Variants in DCC observed in about 807,000 individuals in gnomAD.
DCC encodes the protein DCC netrin 1 receptor.
A neutral mutation model predicts 172.5 loss-of-function variants in DCC; 58 were observed. That is an observed-to-expected ratio of 0.34 (90% CI 0.27 to 0.42). DCC has a LOEUF of 0.42. DCC is among the 10% of genes least tolerant of loss of function. The pLI, the probability that DCC is intolerant of heterozygous loss-of-function variation, is 1.00. For synonymous variants in DCC, 709 were observed against 644.5 expected, an observed-to-expected ratio of 1.10 and a Z score of -1.52; for missense variants, 1,740 against 1,791.0, an observed-to-expected ratio of 0.97 and a Z score of 0.51.
intron 1 of DCC, among the ~76,000 whole-genome samples, chr18:52,717,071 T>C (rs1205837596): frequency 1.3e-5 from 2 of 152,060 alleles, no homozygotes; most frequent in Non-Finnish European, 2.9e-5. Context: ...CATGAATGAA[T>C]CCTCTCCCTG....
At chr18:52,472,769 G>T (rs999133562) in intron 1 of DCC, among the ~76,000 whole-genome samples, 1 of 152,098 alleles carries the variant, frequency 6.6e-6, no homozygotes, top group African/African-American at 2.4e-5. Context: ...GCCGGGTAAG[G>T]TGGCATGAGC....
chr18:52,798,063 GAAGGTTGCTTGCACA>G (rs375706085), intron 2 of DCC, among the ~76,000 whole-genome samples: 2 of 151,272 alleles, frequency 1.3e-5, no homozygotes, highest in Non-Finnish European at 1.5e-5. Flanking sequence ...TTGCTTGCAC[GAAGGTTGCTTGCACA>G]AAGGCTACAC....
chr18:52,391,310 T>C (rs11877840), intron 1 of DCC, among the ~76,000 whole-genome samples: 14,939 of 152,120 alleles, frequency 0.098, 915 homozygotes, highest in South Asian at 0.16. Flanking sequence ...CCATTATGGA[T>C]CTTAATATCT....
intron 5 of DCC, among the ~76,000 whole-genome samples, chr18:52,998,629 G>T (rs564943440): frequency 6.6e-6 from 1 of 151,990 alleles, no homozygotes; most frequent in Non-Finnish European, 1.5e-5. Context: ...AGTCATTCTC[G>T]TGACCAATGT....
chr18:52,961,367 G>C (rs2040840109), intron 5 of DCC, among the ~76,000 whole-genome samples: 1 of 152,212 alleles, frequency 6.6e-6, no homozygotes, highest in South Asian at 2.1e-4. Flanking sequence ...TCTGAGATCT[G>C]GCAAAACTTT....
chr18:52,820,601 G>A (rs2038388121), intron 2 of DCC, among the ~76,000 whole-genome samples: 1 of 151,972 alleles, frequency 6.6e-6, no homozygotes, highest in Non-Finnish European at 1.5e-5. Flanking sequence ...GGATGAAAAG[G>A]GCAGCAGTAT....
intron 2 of DCC, among the ~76,000 whole-genome samples, chr18:52,820,448 TATAAA>T (rs139433906): frequency 0.11 from 17,064 of 152,156 alleles, 1,037 homozygotes; most frequent in South Asian, 0.2. Flanking sequence ...AAATGTGAAA[TATAAA>T]ATGTTTTTAA....
Position 52,555,011 on chromosome 18 carries a change from C to T in DCC, c.92-197043C>T, listed in dbSNP as rs191250171. On this transcript the variant is annotated intron_variant, in intron 1 of 28. Coordinates refer to ENST00000442544, the MANE Select transcript of DCC (RefSeq NM_005215.4). ...ACTCTAAGCTAACTTCTTTTGAGTT[C>T]AAAAGACTGAAGGTGGAAGGTGGGG... 4.0e-5 allele frequency among the ~76,000 whole-genome samples: 6 copies of T among 151,752 alleles called. No homozygotes were observed. In the East Asian group the frequency reaches 1.2e-3, roughly 29 times the overall value.
At chr18:52,520,212 C>G (rs2031768953) in intron 1 of DCC, among the ~76,000 whole-genome samples, 1 of 152,196 alleles carries the variant, frequency 6.6e-6, no homozygotes, top group South Asian at 2.1e-4. Flanking sequence ...TCGTCCTCCT[C>G]CAAGCACCTA....
chr18:53,334,498 C>T (rs1192624120), intron 14 of DCC, among the ~76,000 whole-genome samples: 1 of 152,164 alleles, frequency 6.6e-6, no homozygotes, highest in Non-Finnish European at 1.5e-5. Context: ...TTCATGTTGT[C>T]ATGCAGCCAT....
intron 5 of DCC, among the ~76,000 whole-genome samples, chr18:52,935,826 T>G (rs999580924): frequency 6.6e-6 from 1 of 152,156 alleles, no homozygotes; most frequent in Non-Finnish European, 1.5e-5. Flanking sequence ...TTTATTGCAA[T>G]GTGTAATTCT....
chr18:52,576,984 C>A (rs940812053), intron 1 of DCC, among the ~76,000 whole-genome samples: 1 of 152,062 alleles, frequency 6.6e-6, no homozygotes, highest in Non-Finnish European at 1.5e-5. Context: ...GTATAATATT[C>A]CATTTTATGA....
In DCC at chr18:53,532,275, A is replaced by G. The variant is rs1317487234; in HGVS notation, c.*1622A>G. 6.6e-6 allele frequency: 1 copy of G among 152,208 alleles called. No individual in the cohort carries two copies. The highest frequency in any genetic ancestry group is 1.5e-5 in the Non-Finnish European group (1 of 68,040). 9.4% of individuals were successfully genotyped at this position (152,208 alleles called of 1,614,324 possible). A position where few individuals can be genotyped will look rare whatever the true frequency, so the allele number is the denominator to read the frequency against. On this transcript the variant is annotated 3_prime_UTR_variant, in exon 29 of 29. Transcript: ENST00000442544. Reference sequence around the variant, plus strand: ...TTATATATGAATCCCTGAATAAAATATTTTGAGCAAAATGGCACTGTAACA... The same window carrying G: ...TTATATATGAATCCCTGAATAAAATGTTTTGAGCAAAATGGCACTGTAACA...
At position 53,358,624 on chromosome 18, in the gene DCC, G is replaced by A. The variant is rs147512861; in HGVS notation, c.2359+18717G>A. Among the ~76,000 whole-genome samples the A allele has an allele frequency of 4.8e-3, 641 of 133,388 alleles. 6 individuals are homozygous for A. The highest frequency in any genetic ancestry group is 0.017 in the African/African-American group (601 of 34,876). The allele number at this position is 133,388 out of a possible 152,430, so 87.5% of individuals were successfully genotyped here. A position where few individuals can be genotyped will look rare whatever the true frequency, so the allele number is the denominator to read the frequency against. On this transcript the variant is annotated intron_variant, in intron 15 of 28. Transcript: ENST00000442544. ...CAACCTCTGCCTTCCAGGTTCAACC[G>A]ATTCTCCTGCCTCAGCCTCCCAAGT...
intron 1 of DCC, among the ~76,000 whole-genome samples, chr18:52,441,103 T>C (rs1430735489): frequency 6.6e-6 from 1 of 152,208 alleles, no homozygotes; most frequent in South Asian, 2.1e-4. Context: ...AATATCTTTC[T>C]ATGATTAACT....
intron 1 of DCC, among the ~76,000 whole-genome samples, chr18:52,570,180 G>A (rs1438321581): frequency 6.6e-6 from 1 of 152,024 alleles, no homozygotes; most frequent in East Asian, 1.9e-4. Context: ...AATCTCTAAC[G>A]GCCTGACAGG....
chr18:52,687,321 G>A (rs1293152916), intron 1 of DCC, among the ~76,000 whole-genome samples: 2 of 109,722 alleles, frequency 1.8e-5, no homozygotes, highest in African/African-American at 7.2e-5. Context: ...TCTTGCTCTT[G>A]TCCCCCAGGC....
rs140987011 is a variant in DCC at position 52,975,871 on chromosome 18, C to T, written c.985+50501C>T. 4.9e-3 allele frequency among the ~76,000 whole-genome samples: 748 copies of T among 152,234 alleles called. 4 individuals are homozygous for T. The highest frequency in any genetic ancestry group is 7.7e-3 in the African/African-American group (320 of 41,530). On this transcript the variant is annotated intron_variant, in intron 5 of 28. Coordinates refer to ENST00000442544, the MANE Select transcript of DCC (RefSeq NM_005215.4). ...TGATTTTTATTTCTTTGGGTATATACGCAGTAGTAGGATTGCTGGGTCAAA... is the reference window on the plus strand; with the variant it reads ...TGATTTTTATTTCTTTGGGTATATATGCAGTAGTAGGATTGCTGGGTCAAA...
At chr18:52,562,387 A>T (rs373678412) in intron 1 of DCC, among the ~76,000 whole-genome samples, 1 of 152,182 alleles carries the variant, frequency 6.6e-6, no homozygotes, top group Admixed American at 6.5e-5. Flanking sequence ...GACAATCAAC[A>T]TTCATGGGTC....
Sources: gnomAD v4.1 joint callset for allele counts (sites outside exome capture counted in the v4.1 genomes callset) on GRCh38, gnomAD v4.1.1 for gene constraint, MANE v1.5 for transcripts, NCBI Gene and HGNC (gene_info 2026-07-23, HGNC 2026-07-21) for gene names.